TEAD1: variants seen among roughly 807,000 people sequenced by gnomAD.
TEAD1 encodes TEA domain transcription factor 1, also known as transcriptional enhancer factor TEF-1.
A neutral mutation model predicts 54.9 loss-of-function variants in TEAD1; 9 were observed. The ratio of observed to expected loss-of-function variants is 0.16; its 90% confidence interval spans 0.10 to 0.29. The LOEUF is 0.29. TEAD1 is among the 10% of genes least tolerant of loss of function. The pLI, the probability that TEAD1 is intolerant of heterozygous loss-of-function variation, is 1.00. For synonymous variants in TEAD1, 200 were observed against 187.8 expected, an observed-to-expected ratio of 1.07 and a Z score of -0.53; for missense variants, 387 against 535.9, an observed-to-expected ratio of 0.72 and a Z score of 2.74.
At chr11:12,726,173 A>T (rs1440971979) in intron 2 of TEAD1, among the ~76,000 whole-genome samples, 1 of 152,196 alleles carries the variant, frequency 6.6e-6, no homozygotes, top group Non-Finnish European at 1.5e-5. Flanking sequence ...AGCTTGAGGC[A>T]CATAGGTGGG....
At chr11:12,748,783 T>A (rs1156746121) in intron 2 of TEAD1, among the ~76,000 whole-genome samples, 1 of 150,226 alleles carries the variant, frequency 6.7e-6, no homozygotes, top group Non-Finnish European at 1.5e-5. Context: ...GGCAGAGGGC[T>A]GAGGCAGAAA....
intron 3 of TEAD1, among the ~76,000 whole-genome samples, chr11:12,858,813 C>T (rs770480626): frequency 3.3e-5 from 5 of 152,176 alleles, no homozygotes; most frequent in African/African-American, 9.7e-5. Flanking sequence ...CAACAGGATA[C>T]GTTCTGAGAA....
At position 12,674,814 on chromosome 11, in the gene TEAD1, G is replaced by T. The variant is rs1004610694; in HGVS notation, c.-228G>T. 7.5e-4 allele frequency: 114 copies of T among 151,254 alleles called. No individual in the cohort carries two copies. Among genetic ancestry groups the T allele is most frequent in the African/African-American group, 2.5e-3 (103 of 41,450 alleles). The allele number at this position is 151,254 out of a possible 1,614,324, so 9.4% of individuals were successfully genotyped here. The stretch of plus-strand genomic sequence containing the variant: ...GTTTGCCTCGGACTCGCCGGGCGCT[G>T]CGGTGGCTCCCTGGGCCGAGGTAAG... On this transcript the variant is annotated 5_prime_UTR_variant, in exon 1 of 13. Transcript: ENST00000527636.
intron 2 of TEAD1, among the ~76,000 whole-genome samples, chr11:12,745,827 C>G (rs947470385): frequency 8.5e-5 from 13 of 152,168 alleles, no homozygotes; most frequent in African/African-American, 3.1e-4. Flanking sequence ...GGTTGGGAAT[C>G]TAAATGTGCC....
At chr11:12,898,150 C>G (rs975503537) in intron 9 of TEAD1, among the ~76,000 whole-genome samples, 1 of 152,196 alleles carries the variant, frequency 6.6e-6, no homozygotes, top group African/African-American at 2.4e-5. Flanking sequence ...TTCCTTCCTT[C>G]AGGCACAGGT....
chr11:12,734,993 T>G (rs953412674), intron 2 of TEAD1, among the ~76,000 whole-genome samples: 1 of 152,216 alleles, frequency 6.6e-6, no homozygotes, highest in African/African-American at 2.4e-5. Flanking sequence ...GTAGTTTAGT[T>G]TACTTTTGTG....
At chr11:12,778,265 G>T (rs886914957) in intron 3 of TEAD1, among the ~76,000 whole-genome samples, 1 of 152,154 alleles carries the variant, frequency 6.6e-6, no homozygotes, top group Non-Finnish European at 1.5e-5. Flanking sequence ...CCTGGCTCCA[G>T]TCCTGGATGT....
chr11:12,766,381 A>G (rs1294795390), intron 3 of TEAD1, among the ~76,000 whole-genome samples: 2 of 152,232 alleles, frequency 1.3e-5, no homozygotes, highest in African/African-American at 4.8e-5. Flanking sequence ...CTTGTTGGTA[A>G]TTGGGTCTCA....
chr11:12,859,310 G>T, intron 3 of TEAD1, among the ~76,000 whole-genome samples: 1 of 150,146 alleles, frequency 6.7e-6, no homozygotes, highest in East Asian at 1.9e-4. Context: ...AAGTTTGAGG[G>T]TAGGAGACAT....
chr11:12,841,059 A>C (rs535911712), intron 3 of TEAD1, among the ~76,000 whole-genome samples: 1 of 152,362 alleles, frequency 6.6e-6, no homozygotes, highest in African/African-American at 2.4e-5. Context: ...AGGGCAGTGC[A>C]TGTGTGAGTC....
At chr11:12,799,028 C>T (rs894510845) in intron 3 of TEAD1, among the ~76,000 whole-genome samples, 6 of 152,218 alleles carry the variant, frequency 3.9e-5, no homozygotes, top group African/African-American at 7.2e-5. Context: ...TCTGTTCACT[C>T]ACTCAGGTGA....
At chr11:12,935,464 A>ATTTATTTT (rs1949082827) in intron 12 of TEAD1, among the ~76,000 whole-genome samples, 1 of 151,322 alleles carries the variant, frequency 6.6e-6, no homozygotes, top group African/African-American at 2.4e-5. Context: ...TTATTTATTT[A>ATTTATTTT]TTTATTTATT....
chr11:12,777,180 G>A (rs1029651831), intron 3 of TEAD1, among the ~76,000 whole-genome samples: 2 of 152,042 alleles, frequency 1.3e-5, no homozygotes, highest in Admixed American at 1.3e-4. Flanking sequence ...GTGTGATAGC[G>A]AAACCTGCTG....
At chr11:12,885,380 C>T (rs1210423739) in intron 9 of TEAD1, among the ~76,000 whole-genome samples, 1 of 151,592 alleles carries the variant, frequency 6.6e-6, no homozygotes, top group East Asian at 2.0e-4. Flanking sequence ...GGACTACAGG[C>T]GCCCGCCACT....
intron 3 of TEAD1, among the ~76,000 whole-genome samples, chr11:12,824,368 A>G (rs1946609449): frequency 1.3e-5 from 2 of 152,200 alleles, no homozygotes; most frequent in South Asian, 2.1e-4. Flanking sequence ...AGTTGTGTAT[A>G]GGATAGAGAG....
chr11:12,928,968 CT>C (rs1234016338), intron 11 of TEAD1, among the ~76,000 whole-genome samples: 1 of 142,066 alleles, frequency 7.0e-6, no homozygotes, highest in African/African-American at 2.6e-5. Flanking sequence ...CTTGAGCTTA[CT>C]TCTCCTAACT....
intron 3 of TEAD1, among the ~76,000 whole-genome samples, chr11:12,833,445 G>A (rs1032807166): frequency 3.9e-5 from 6 of 152,106 alleles, no homozygotes; most frequent in African/African-American, 1.4e-4. Flanking sequence ...GAAGAGTGCT[G>A]TACCTGAACT....
In TEAD1 at chr11:12,944,306, T is replaced by G. The variant is rs11549007; in HGVS notation, c.*7084T>G. 1,230 of 152,762 alleles carry G rather than the reference T, an allele frequency of 8.1e-3. 15 individuals carry two copies. The highest frequency in any genetic ancestry group is 0.02 in the Middle Eastern group (6 of 294). The allele number at this position is 152,762 out of a possible 1,614,324, so 9.5% of individuals were successfully genotyped here. ...GCAGAAACTTTCAAAAGGCATTTGA[T>G]TAAACCTCTTGGCAGTACAGTATTC... is the stretch of plus-strand genomic sequence containing the variant. On this transcript the variant is annotated 3_prime_UTR_variant, in exon 13 of 13. Coordinates refer to ENST00000527636, the MANE Select transcript of TEAD1 (RefSeq NM_021961.6).
chr11:12,810,463 G>A (rs570542214), intron 3 of TEAD1, among the ~76,000 whole-genome samples: 28 of 152,204 alleles, frequency 1.8e-4, no homozygotes, highest in Non-Finnish European at 3.7e-4. Context: ...CTAGGGGTGT[G>A]CTGGGAGAAC....
Sources: gnomAD v4.1 joint callset for allele counts (sites outside exome capture counted in the v4.1 genomes callset) on GRCh38, gnomAD v4.1.1 for gene constraint, MANE v1.5 for transcripts, NCBI Gene and HGNC (gene_info 2026-07-23, HGNC 2026-07-21) for gene names.